Variants in MCUB observed in about 807,000 individuals in gnomAD.
MCUB encodes calcium uniporter regulatory subunit MCUb, mitochondrial.
Under a neutral mutation model 41.4 loss-of-function variants are expected in MCUB, and 46 were observed. That is an observed-to-expected ratio of 1.11 (90% CI 0.88 to 1.42). The LOEUF is 1.42. MCUB is among the 40% of genes most tolerant of loss of function. The pLI, the probability that MCUB is intolerant of heterozygous loss-of-function variation, is 0.00. For missense variants in MCUB, 403 were observed against 404.9 expected, an observed-to-expected ratio of 1.00 and a Z score of 0.04; for synonymous variants, 148 against 148.2, an observed-to-expected ratio of 1.00 and a Z score of 0.01.
At chr4:109,638,078 G>A (rs1728634211) in intron 1 of MCUB, among the ~76,000 whole-genome samples, 1 of 152,146 alleles carries the variant, frequency 6.6e-6, no homozygotes, top group Admixed American at 6.5e-5. Flanking sequence ...TTACAGTCCA[G>A]GGCCTGGTGG....
intron 1 of MCUB, among the ~76,000 whole-genome samples, chr4:109,645,142 C>G (rs1261106743): frequency 6.6e-6 from 1 of 152,110 alleles, no homozygotes; most frequent in African/African-American, 2.4e-5. Flanking sequence ...ACCTGATTCT[C>G]TCCTTTATTC....
intron 1 of MCUB, among the ~76,000 whole-genome samples, chr4:109,583,138 A>G (rs1028506367): frequency 1.2e-4 from 18 of 152,182 alleles, no homozygotes; most frequent in African/African-American, 3.9e-4. Context: ...CATTGAATCT[A>G]TAAATTACCT....
intron 1 of MCUB, among the ~76,000 whole-genome samples, chr4:109,586,524 G>A (rs1727309439): frequency 6.6e-6 from 1 of 152,180 alleles, no homozygotes; most frequent in South Asian, 2.1e-4. Flanking sequence ...CTTTGGAAGA[G>A]CAGAGGTGCT....
chr4:109,589,619 G>C (rs892939058), intron 1 of MCUB, among the ~76,000 whole-genome samples: 1 of 152,198 alleles, frequency 6.6e-6, no homozygotes, highest in African/African-American at 2.4e-5. Flanking sequence ...CCCTTCAGTA[G>C]TGTTCACACA....
chr4:109,668,746 G>T (rs1397541864), intron 4 of MCUB, among the ~76,000 whole-genome samples: 4 of 146,554 alleles, frequency 2.7e-5, no homozygotes, highest in Non-Finnish European at 6.0e-5. Context: ...TGCCTTTTTT[G>T]GTTTTTAATT....
rs397994929 is a variant in MCUB at position 109,567,131 on chromosome 4, C to CAAA, written c.99+6715_99+6717dup. ...TGGGCGACAGAGCGAGACTCCATCT[C>CAAA]AAAAAAAAAAAAAAAAAAAAAAGTG... On this transcript the variant is annotated intron_variant, in intron 1 of 7. Transcript: ENST00000394650. 1.8e-3 allele frequency among the ~76,000 whole-genome samples: 102 copies of CAAA among 55,628 alleles called. 6 individuals are homozygous for CAAA. The highest frequency in any genetic ancestry group is 4.1e-3 in the African/African-American group (72 of 17,722). 36.5% of individuals were successfully genotyped at this position (55,628 alleles called of 152,430 possible).
At chr4:109,669,782 C>G (rs906853995) in intron 4 of MCUB, among the ~76,000 whole-genome samples, 2 of 150,242 alleles carry the variant, frequency 1.3e-5, no homozygotes, top group African/African-American at 4.9e-5. Context: ...GAGATTCTTT[C>G]TTCAGCTATG....
At chr4:109,678,305 T>C (rs1729619507) in intron 4 of MCUB, among the ~76,000 whole-genome samples, 1 of 152,224 alleles carries the variant, frequency 6.6e-6, no homozygotes. Flanking sequence ...ATCATCATCA[T>C]GGCCTGTTCT....
chr4:109,567,076 G>A (rs947088305), intron 1 of MCUB, among the ~76,000 whole-genome samples: 1 of 143,532 alleles, frequency 7.0e-6, no homozygotes, highest in South Asian at 2.2e-4. Context: ...AGGTTGCAGT[G>A]AGCCGAGATC....
At chr4:109,649,017 G>T (rs1728902322) in intron 1 of MCUB, among the ~76,000 whole-genome samples, 1 of 152,080 alleles carries the variant, frequency 6.6e-6, no homozygotes, top group African/African-American at 2.4e-5. Context: ...TTACCAATTT[G>T]CTTGTTCAGA....
chr4:109,664,422 CTTTTTT>C (rs11405576), intron 4 of MCUB, 28 bp downstream of exon 4: 3 of 616,460 alleles, frequency 4.9e-6, no homozygotes, highest in Admixed American at 6.1e-5. Flanking sequence ...CCAACTATTA[CTTTTTT>C]TTTTTTTTTT....
intron 1 of MCUB, among the ~76,000 whole-genome samples, chr4:109,645,678 T>G (rs1048526417): frequency 2.0e-5 from 3 of 152,142 alleles, no homozygotes; most frequent in African/African-American, 7.2e-5. Context: ...CTTTTATACT[T>G]TCTCTACTCA....
chr4:109,560,430 G>T lies in MCUB; in HGVS notation c.93G>T (p.Pro31=). The T allele has an allele frequency of 1.6e-6, 2 of 1,287,186 alleles. No homozygotes were observed. The highest frequency in any genetic ancestry group is 3.1e-5 in the East Asian group (1 of 31,950). 79.7% of individuals were successfully genotyped at this position (1,287,186 alleles called of 1,614,324 possible). A position where few individuals can be genotyped will look rare whatever the true frequency, so the allele number is the denominator to read the frequency against. ...CGCGCCCGTGGCCGCTGCCGCCTCC[G>T]CCCCAGGTAAGAGCGGGTGCCGGGC... ...RPARPWPLPP[P]PQVLRVKLCG... is the part of the protein sequence containing the mutation. Residue 31 remains proline (P), a synonymous_variant, in exon 1 of 8, where the codon CCG becomes CCT. Transcript: ENST00000394650.
chr4:109,601,046 G>C (rs1456959964), intron 1 of MCUB, among the ~76,000 whole-genome samples: 1 of 152,136 alleles, frequency 6.6e-6, no homozygotes, highest in Non-Finnish European at 1.5e-5. Context: ...ATCTGTCTTG[G>C]CTTCCCAAAG....
intron 1 of MCUB, among the ~76,000 whole-genome samples, chr4:109,576,979 G>A (rs1379337872): frequency 3.3e-5 from 5 of 152,112 alleles, no homozygotes; most frequent in Admixed American, 3.3e-4. Context: ...AGCCTCCTGA[G>A]TAGATGGGAT....
At chr4:109,625,133 C>CT (rs1728334603) in intron 1 of MCUB, among the ~76,000 whole-genome samples, 2 of 152,050 alleles carry the variant, frequency 1.3e-5, no homozygotes, top group Admixed American at 6.6e-5. Flanking sequence ...GAGCAAGACT[C>CT]TGTCTCAAAA....
chr4:109,598,558 T>C, intron 1 of MCUB, among the ~76,000 whole-genome samples: 1 of 151,950 alleles, frequency 6.6e-6, no homozygotes, highest in South Asian at 2.1e-4. Flanking sequence ...ACAGTCCAGC[T>C]TCGGCTGGGC....
intron 1 of MCUB, among the ~76,000 whole-genome samples, chr4:109,658,090 A>T (rs1238848360): frequency 2.6e-5 from 4 of 152,172 alleles, no homozygotes. Flanking sequence ...GGCCTCCCAT[A>T]GTGCTAGGAT....
At chr4:109,686,670 T>C (rs1459189915) in intron 7 of MCUB, among the ~76,000 whole-genome samples, 2 of 152,068 alleles carry the variant, frequency 1.3e-5, no homozygotes, top group African/African-American at 4.8e-5. Flanking sequence ...GTCCAGAAAT[T>C]GGAGACCAGT....
Sources: allele counts gnomAD v4.1 joint callset (sites outside exome capture counted in the v4.1 genomes callset), GRCh38; gene constraint gnomAD v4.1.1; transcripts MANE v1.5; gene names NCBI Gene and HGNC (gene_info 2026-07-23, HGNC 2026-07-21).